The following PTPRD variants were observed in gnomAD, a reference collection of about 807,000 sequenced individuals.
The protein encoded by PTPRD is receptor-type tyrosine-protein phosphatase delta.
A neutral mutation model predicts 214.5 loss-of-function variants in PTPRD; 34 were observed. The observed-to-expected ratio is 0.16, with a 90% CI of 0.12 to 0.21. The LOEUF (loss-of-function observed/expected upper bound fraction) is 0.21, where lower values mean the gene tolerates loss of function less well. Ranked by LOEUF, PTPRD falls within the 10% of genes least tolerant of loss-of-function variation. The pLI, the probability that PTPRD is intolerant of heterozygous loss-of-function variation, is 1.00. For missense variants in PTPRD, 2,545 were observed against 2,398.7 expected (o/e 1.06, Z -1.27); for synonymous variants, 1,128 against 845.7 (o/e 1.33, Z -5.79).
chr9:8,710,829 T>C (rs2098318023), intron 12 of PTPRD, among the ~76,000 whole-genome samples: 1 of 152,128 alleles, frequency 6.6e-6, no homozygotes, highest in South Asian at 2.1e-4. Context: ...CTTCAAACAT[T>C]TAGTGTTCAC....
At chr9:8,570,280 G>A (rs891599962) in intron 14 of PTPRD, among the ~76,000 whole-genome samples, 2 of 151,984 alleles carry the variant, frequency 1.3e-5, no homozygotes, top group African/African-American at 4.8e-5. Flanking sequence ...CATACTATTT[G>A]CCACAATACA....
At chr9:9,137,585 G>C (rs1371507180) in intron 10 of PTPRD, among the ~76,000 whole-genome samples, 1 of 152,136 alleles carries the variant, frequency 6.6e-6, no homozygotes, top group Non-Finnish European at 1.5e-5. Context: ...AACCATGGAT[G>C]AACTTCTTTA....
chr9:9,640,537 G>C (rs1249352477), intron 7 of PTPRD, among the ~76,000 whole-genome samples: 1 of 152,130 alleles, frequency 6.6e-6, no homozygotes, highest in East Asian at 1.9e-4. Context: ...TCTGTCACGT[G>C]GAACAGAATC....
At chr9:9,276,173 A>T (rs1023264184) in intron 9 of PTPRD, among the ~76,000 whole-genome samples, 4 of 151,360 alleles carry the variant, frequency 2.6e-5, no homozygotes, top group Non-Finnish European at 4.4e-5. Context: ...CATTGGGGAC[A>T]TTCATTTGAA....
chr9:9,068,020 A>G (rs545347496), intron 10 of PTPRD, among the ~76,000 whole-genome samples: 65 of 152,334 alleles, frequency 4.3e-4, no homozygotes, highest in Admixed American at 1.1e-3. Context: ...CTCTGGCAAC[A>G]CTGCTCTGTT....
intron 10 of PTPRD, among the ~76,000 whole-genome samples, chr9:9,020,289 T>C (rs1185786345): frequency 6.6e-6 from 1 of 152,206 alleles, no homozygotes; most frequent in African/African-American, 2.4e-5. Flanking sequence ...TATAAACCAT[T>C]CAATAAATTA....
chr9:8,557,758 A>C (rs891242296), intron 14 of PTPRD, among the ~76,000 whole-genome samples: 6 of 134,426 alleles, frequency 4.5e-5, no homozygotes, highest in African/African-American at 1.7e-4. Flanking sequence ...AAAAAAAAAA[A>C]AAAAAAAAAG....
At chr9:9,036,959 T>C (rs983695750) in intron 10 of PTPRD, among the ~76,000 whole-genome samples, 4 of 152,278 alleles carry the variant, frequency 2.6e-5, no homozygotes, top group Non-Finnish European at 2.9e-5. Flanking sequence ...TCCTTAAAAA[T>C]GAAAGTTAAA....
chr9:9,694,625 C>A (rs1045863746), intron 7 of PTPRD, among the ~76,000 whole-genome samples: 1 of 152,082 alleles, frequency 6.6e-6, no homozygotes, highest in East Asian at 1.9e-4. Context: ...ACCTTAGCAA[C>A]TGATGTTGCT....
intron 2 of PTPRD, among the ~76,000 whole-genome samples, chr9:10,432,622 T>G (rs2098690600): frequency 1.3e-5 from 2 of 151,958 alleles, no homozygotes; most frequent in Non-Finnish European, 2.9e-5. Context: ...AGTGAAACCA[T>G]CACTGAGCCC....
chr9:9,612,182 TG>T (rs1016926063), intron 7 of PTPRD, among the ~76,000 whole-genome samples: 4 of 152,238 alleles, frequency 2.6e-5, no homozygotes, highest in African/African-American at 9.6e-5. Context: ...TTTTTATTTG[TG>T]GAAAGATGTT....
At chr9:10,175,933 C>A (rs1232503926) in intron 3 of PTPRD, among the ~76,000 whole-genome samples, 1 of 151,888 alleles carries the variant, frequency 6.6e-6, no homozygotes, top group Non-Finnish European at 1.5e-5. Flanking sequence ...TAGCATTTTC[C>A]AACATCTTTT....
At chr9:9,079,323 T>C (rs1196331667) in intron 10 of PTPRD, among the ~76,000 whole-genome samples, 10 of 152,126 alleles carry the variant, frequency 6.6e-5, no homozygotes, top group African/African-American at 2.4e-4. Flanking sequence ...TTTTTGTTTC[T>C]GGCTTATTTC....
At position 10,028,966 on chromosome 9, in the gene PTPRD, G is replaced by A. The variant is rs573393497; in HGVS notation, c.-472+4752C>T. ...GAAGCCTAGGAGATGGCAGGGTGGG[G>A]CCCAGGGTCCCTGGGCTGTGTGCCG... On this transcript the variant is annotated intron_variant, in intron 4 of 45. Coordinates refer to ENST00000381196, the MANE Select transcript of PTPRD (RefSeq NM_002839.4). Among the ~76,000 whole-genome samples, 14 of 152,196 alleles carry A rather than the reference G, an allele frequency of 9.2e-5. No individual in the cohort carries two copies. In the East Asian group the frequency reaches 2.7e-3, roughly 30 times the overall value.
rs553094662 is a variant in PTPRD, at chr9:10,405,277, G to A, written c.-599-64260C>T. Among the ~76,000 whole-genome samples the A allele has an allele frequency of 2.0e-5, 3 of 151,612 alleles. No homozygotes were observed. The South Asian group carries it at 6.2e-4, about 31-fold the overall frequency. The stretch of plus-strand genomic sequence containing the variant: ...CCTTCGAAAGCTACCATGCATCTTG[G>A]TTTGATTATGGCATTATAACAAGTA... On this transcript the variant is annotated intron_variant, in intron 2 of 45. Transcript: ENST00000381196.
intron 8 of PTPRD, among the ~76,000 whole-genome samples, chr9:9,568,854 C>A (rs2085430700): frequency 6.6e-6 from 1 of 151,748 alleles, no homozygotes; most frequent in Non-Finnish European, 1.5e-5. Flanking sequence ...TACAAGCTCT[C>A]CAGGACTATA....
At chr9:10,465,289 C>T (rs1395893178) in intron 2 of PTPRD, among the ~76,000 whole-genome samples, 1 of 152,178 alleles carries the variant, frequency 6.6e-6, no homozygotes, top group East Asian at 1.9e-4. Context: ...CCACCTGCCA[C>T]ACTAGCCGCA....
intron 4 of PTPRD, among the ~76,000 whole-genome samples, chr9:10,005,554 T>A (rs964315703): frequency 8.5e-5 from 13 of 152,088 alleles, no homozygotes; most frequent in Non-Finnish European, 1.0e-4. Context: ...TAAGAGTGTG[T>A]CTTTATCTCC....
chr9:8,460,838 T>A (rs1033359180), intron 32 of PTPRD, among the ~76,000 whole-genome samples: 1 of 152,070 alleles, frequency 6.6e-6, no homozygotes, highest in Non-Finnish European at 1.5e-5. Flanking sequence ...CACTTTTTAT[T>A]GGGCTTTCTA....
Sources: allele counts gnomAD v4.1 joint callset (sites outside exome capture counted in the v4.1 genomes callset), GRCh38; gene constraint gnomAD v4.1.1; transcripts MANE v1.5; gene names NCBI Gene and HGNC (gene_info 2026-07-23, HGNC 2026-07-21).